COL14A1: variants seen among roughly 807,000 people sequenced by gnomAD.
The protein encoded by COL14A1 is collagen type XIV alpha 1 chain, also known as collagen alpha-1(XIV) chain.
Under a neutral mutation model 230.3 loss-of-function variants are expected in COL14A1, and 136 were observed. The observed-to-expected ratio is 0.59, with a 90% CI of 0.51 to 0.68. The LOEUF (loss-of-function observed/expected upper bound fraction) is 0.68, where lower values mean the gene tolerates loss of function less well. Among genes scored for constraint, COL14A1 ranks in the 30% least tolerant of loss-of-function variants. COL14A1 has a pLI of 0.00. For synonymous variants in COL14A1, 792 were observed against 784.1 expected, an observed-to-expected ratio of 1.01 and a Z score of -0.17; for missense variants, 1,976 against 2,215.8, an observed-to-expected ratio of 0.89 and a Z score of 2.17.
chr8:120,170,793 T>TA (rs1038457379), intron 5 of COL14A1, among the ~76,000 whole-genome samples: 1 of 152,080 alleles, frequency 6.6e-6, no homozygotes, highest in African/African-American at 2.4e-5. Context: ...AGGACTATTT[T>TA]ATCTAATATT....
At chr8:120,192,041 T>A (rs1483926824) in intron 5 of COL14A1, among the ~76,000 whole-genome samples, 2 of 151,814 alleles carry the variant, frequency 1.3e-5, no homozygotes, top group African/African-American at 4.8e-5. Flanking sequence ...TTTAGTCCAT[T>A]TACATTTAAA....
At chr8:120,185,341 G>GTTCCA (rs1296367302) in intron 5 of COL14A1, among the ~76,000 whole-genome samples, 2 of 152,074 alleles carry the variant, frequency 1.3e-5, no homozygotes, top group Non-Finnish European at 2.9e-5. Context: ...ATACATATTG[G>GTTCCA]ACAAAACATT....
intron 45 of COL14A1, among the ~76,000 whole-genome samples, chr8:120,364,980 T>C (rs529165564): frequency 1.3e-5 from 2 of 151,490 alleles, no homozygotes; most frequent in East Asian, 1.9e-4. Context: ...TTCCTTTTTG[T>C]TTTCTAAGGC....
rs995072783 is a variant in COL14A1 at position 120,373,356 on chromosome 8, G to T, written c.*2125G>T. 2.0e-5 allele frequency among the ~76,000 whole-genome samples: 3 copies of T among 152,074 alleles called. No homozygotes were observed. The highest frequency in any genetic ancestry group is 6.6e-5 in the Admixed American group (1 of 15,264). On this transcript the variant is annotated 3_prime_UTR_variant, in exon 48 of 48. Transcript: ENST00000297848. ...TTAATTTGGAATGTGTCATCACTTG[G>T]ACCCAGTATATCAGATTTTTATTGA...
intron 14 of COL14A1, among the ~76,000 whole-genome samples, chr8:120,219,242 G>A (rs1212215038): frequency 2.0e-5 from 3 of 151,894 alleles, no homozygotes; most frequent in Non-Finnish European, 4.4e-5. Context: ...TCAGCCTCCC[G>A]AGTAGCTGGG....
chr8:120,134,367 G>C (rs1814641266), intron 1 of COL14A1, among the ~76,000 whole-genome samples: 1 of 152,060 alleles, frequency 6.6e-6, no homozygotes, highest in East Asian at 1.9e-4. Flanking sequence ...TTGTTAACCT[G>C]TGATCAAAAG....
chr8:120,245,167 C>T (rs184882588), intron 20 of COL14A1, among the ~76,000 whole-genome samples: 200 of 152,302 alleles, frequency 1.3e-3, no homozygotes, highest in African/African-American at 4.5e-3. Flanking sequence ...TTCTGGCCAC[C>T]CCATGCAAAG....
intron 1 of COL14A1, among the ~76,000 whole-genome samples, chr8:120,130,662 G>T (rs958668076): frequency 1.3e-5 from 2 of 152,104 alleles, no homozygotes; most frequent in South Asian, 4.1e-4. Context: ...AGAATTTAAT[G>T]GTAATTAAAA....
Position 120,204,019 on chromosome 8 carries a change from A to G in COL14A1, c.1039+149A>G. 3.1e-6 allele frequency: 2 copies of G among 648,984 alleles called. 1 individual carries two copies. The highest frequency in any genetic ancestry group is 6.3e-5 in the Admixed American group (2 of 31,978). The allele number at this position is 648,984 out of a possible 1,614,324, so 40.2% of individuals were successfully genotyped here. On this transcript the variant is annotated intron_variant, in intron 9 of 47. Transcript: ENST00000297848. ...CCTGAGCCGTCAGAGTAGAAAAGGG[A>G]GTATATTAGCAGGCTTTGTGGGGGT...
At chr8:120,172,626 T>C (rs1816131122) in intron 5 of COL14A1, among the ~76,000 whole-genome samples, 1 of 152,166 alleles carries the variant, frequency 6.6e-6, no homozygotes, top group Non-Finnish European at 1.5e-5. Context: ...ATCCTCTATG[T>C]TAATTTCTTG....
chr8:120,279,390 A>G (rs1300737901), intron 28 of COL14A1, among the ~76,000 whole-genome samples: 1 of 152,022 alleles, frequency 6.6e-6, no homozygotes, highest in East Asian at 1.9e-4. Flanking sequence ...TATTACAGAA[A>G]TTCCTCAGCC....
Position 120,131,039 on chromosome 8 carries a change from G to A in COL14A1, c.-38+5699G>A, listed in dbSNP as rs541872285. On this transcript the variant is annotated intron_variant, in intron 1 of 47. Coordinates refer to ENST00000297848, the MANE Select transcript of COL14A1 (RefSeq NM_021110.4). ...CCAGCTGCATCCATGTTGCCGCAAA[G>A]GACATGATTTTGTTCTTTGTTATGG... 9.2e-5 allele frequency among the ~76,000 whole-genome samples: 14 copies of A among 152,238 alleles called. No homozygotes were observed. In the East Asian group the frequency reaches 2.5e-3, roughly 27 times the overall value.
rs1823431248 is a variant in COL14A1, at chr8:120,367,168, C to T, written c.5078-3C>T. On this transcript the variant is annotated splice_region_variant and splice_polypyrimidine_tract_variant and intron_variant, in intron 45 of 47. Transcript: ENST00000297848. Reference sequence around the variant, plus strand: ...AAACATTTTTAAAAATTATTTTAAACAGGTCTAACTGGTATCAAAGGAGAA... The same window carrying T: ...AAACATTTTTAAAAATTATTTTAAATAGGTCTAACTGGTATCAAAGGAGAA... 6.3e-7 allele frequency: 1 copy of T among 1,586,456 alleles called. No homozygotes were observed. The highest frequency in any genetic ancestry group is 8.5e-7 in the Non-Finnish European group (1 of 1,169,736).
intron 20 of COL14A1, among the ~76,000 whole-genome samples, chr8:120,245,814 G>T (rs1189662489): frequency 6.6e-6 from 1 of 152,140 alleles, no homozygotes; most frequent in Non-Finnish European, 1.5e-5. Flanking sequence ...GGTCTTTCCA[G>T]CAGAGCAGTC....
chr8:120,315,517 A>G lies in COL14A1; in HGVS notation c.4552-16A>G. The G allele has an allele frequency of 6.2e-7, 1 of 1,607,644 alleles. No homozygotes were observed. Among genetic ancestry groups the G allele is most frequent in the Non-Finnish European group, 8.5e-7 (1 of 1,174,348 alleles). ...TACCTATGTGAACTTAACTCTGTAT[A>G]CTTTTGGATATTCAGGGAATGCCAG... is the stretch of plus-strand genomic sequence containing the variant. On this transcript the variant is annotated splice_polypyrimidine_tract_variant and intron_variant, in intron 38 of 47. Transcript: ENST00000297848.
At chr8:120,128,224 C>CGT (rs1390324318) in intron 1 of COL14A1, among the ~76,000 whole-genome samples, 144 of 97,800 alleles carry the variant, frequency 1.5e-3, no homozygotes, top group African/African-American at 4.6e-3. Flanking sequence ...TGTGTGTGCG[C>CGT]GCGCGTGTGT....
At chr8:120,251,890 C>T (rs1238835346) in intron 22 of COL14A1, among the ~76,000 whole-genome samples, 1 of 151,814 alleles carries the variant, frequency 6.6e-6, no homozygotes. Context: ...TGTATAATAC[C>T]TTTTTCCTTT....
intron 5 of COL14A1, among the ~76,000 whole-genome samples, chr8:120,177,778 A>T (rs893805323): frequency 2.0e-5 from 3 of 150,558 alleles, no homozygotes; most frequent in Non-Finnish European, 1.5e-5. Flanking sequence ...GAAATATTTG[A>T]AAGAAGAGAT....
intron 1 of COL14A1, among the ~76,000 whole-genome samples, chr8:120,126,294 G>T (rs913968739): frequency 6.6e-6 from 1 of 152,192 alleles, no homozygotes; most frequent in Admixed American, 6.5e-5. Context: ...AGATCTTGGT[G>T]CTGGGTTCTT....
Sources: allele counts gnomAD v4.1 joint callset (sites outside exome capture counted in the v4.1 genomes callset), GRCh38; gene constraint gnomAD v4.1.1; transcripts MANE v1.5; gene names NCBI Gene and HGNC (gene_info 2026-07-23, HGNC 2026-07-21).